KIAA0825: variants seen among roughly 807,000 people sequenced by gnomAD.
The protein encoded by KIAA0825 is KIAA0825.
In KIAA0825, 119 loss-of-function variants were observed where a neutral mutation model predicts 147.6. That is an observed-to-expected ratio of 0.81 (90% CI 0.69 to 0.94). The LOEUF (loss-of-function observed/expected upper bound fraction) is 0.94, where lower values mean the gene tolerates loss of function less well. Ranked by LOEUF, KIAA0825 falls within the 40% of genes least tolerant of loss-of-function variation. KIAA0825 has a pLI of 0.00. For synonymous variants in KIAA0825, 470 were observed against 518.1 expected, an observed-to-expected ratio of 0.91 and a Z score of 1.26; for missense variants, 1,381 against 1,472.7, an observed-to-expected ratio of 0.94 and a Z score of 1.02.
intron 5 of KIAA0825, among the ~76,000 whole-genome samples, chr5:94,516,470 C>T (rs1370378524): frequency 6.6e-5 from 10 of 152,188 alleles, no homozygotes; most frequent in Non-Finnish European, 1.2e-4. Flanking sequence ...AAGCAAAACA[C>T]TGAATCAGTG....
intron 11 of KIAA0825, 98 bp downstream of exon 11, chr5:94,464,771 A>T: frequency 1.1e-6 from 1 of 951,020 alleles, no homozygotes; most frequent in Non-Finnish European, 1.5e-6. Context: ...GAAACATGTT[A>T]AATATATAAG....
At chr5:94,613,912 G>T (rs1300904801) in intron 1 of KIAA0825, among the ~76,000 whole-genome samples, 1 of 152,210 alleles carries the variant, frequency 6.6e-6, no homozygotes, top group East Asian at 1.9e-4. Flanking sequence ...TTAAAAATTT[G>T]ATTAATATGG....
At chr5:94,397,172 C>T (rs1420809954) in intron 16 of KIAA0825, among the ~76,000 whole-genome samples, 3 of 152,142 alleles carry the variant, frequency 2.0e-5, no homozygotes, top group Non-Finnish European at 4.4e-5. Flanking sequence ...AAGGCATTCC[C>T]GTATCCCTAG....
chr5:94,348,018 A>T (rs1783210797), intron 20 of KIAA0825, among the ~76,000 whole-genome samples: 1 of 152,216 alleles, frequency 6.6e-6, no homozygotes. Flanking sequence ...TCTCAGCAAT[A>T]GAATTAAAGA....
chr5:94,329,729 C>G (rs1781071182), intron 20 of KIAA0825, among the ~76,000 whole-genome samples: 1 of 152,046 alleles, frequency 6.6e-6, no homozygotes, highest in Non-Finnish European at 1.5e-5. Context: ...GCAGTGAGTT[C>G]CTTAATTTTT....
chr5:94,342,145 G>A (rs926146664), intron 20 of KIAA0825, among the ~76,000 whole-genome samples: 3 of 151,594 alleles, frequency 2.0e-5, no homozygotes, highest in Admixed American at 6.6e-5. Context: ...GCAGTGTGCC[G>A]AGACCGCACC....
intron 2 of KIAA0825, among the ~76,000 whole-genome samples, chr5:94,548,681 C>T (rs1699232587): frequency 6.6e-6 from 1 of 152,130 alleles, no homozygotes; most frequent in Admixed American, 6.6e-5. Context: ...TACATTTCAT[C>T]TATAAAGATA....
intron 20 of KIAA0825, among the ~76,000 whole-genome samples, chr5:94,297,894 C>T (rs1778208769): frequency 1.3e-5 from 2 of 151,052 alleles, no homozygotes; most frequent in Non-Finnish European, 3.0e-5. Context: ...CCACACCCAG[C>T]GTCATCACTA....
chr5:94,322,655 G>A (rs1780304493), intron 20 of KIAA0825, among the ~76,000 whole-genome samples: 1 of 151,704 alleles, frequency 6.6e-6, no homozygotes, highest in South Asian at 2.1e-4. Flanking sequence ...TGAGGTAGCT[G>A]GGCCTGGAGC....
At chr5:94,413,808 C>T (rs1753075989) in intron 15 of KIAA0825, 1 of 152,152 alleles carries the variant, frequency 6.6e-6, no homozygotes. Flanking sequence ...TATTTTAAAA[C>T]ATTTTTAAGG....
chr5:94,549,730 A>C (rs1341281216), intron 2 of KIAA0825, among the ~76,000 whole-genome samples: 1 of 152,158 alleles, frequency 6.6e-6, no homozygotes. Flanking sequence ...AAACAAAAAC[A>C]AAAACAAAGA....
At chr5:94,580,866 A>G (rs1781997927) in intron 2 of KIAA0825, among the ~76,000 whole-genome samples, 1 of 126,020 alleles carries the variant, frequency 7.9e-6, no homozygotes, top group South Asian at 3.2e-4. Context: ...ACAGAGCGAG[A>G]CTCCGTCTCA....
At chr5:94,266,651 A>G (rs1776749373) in intron 20 of KIAA0825, among the ~76,000 whole-genome samples, 1 of 152,232 alleles carries the variant, frequency 6.6e-6, no homozygotes, top group Non-Finnish European at 1.5e-5. Flanking sequence ...ATGATAATCC[A>G]GCTATGTTAA....
intron 20 of KIAA0825, among the ~76,000 whole-genome samples, chr5:94,209,364 AC>A (rs1421998793): frequency 1.3e-5 from 2 of 152,204 alleles, no homozygotes; most frequent in African/African-American, 4.8e-5. Context: ...CAGAAAATGA[AC>A]CATGCAAGTC....
At chr5:94,601,460 A>G (rs1320347363) in intron 1 of KIAA0825, among the ~76,000 whole-genome samples, 1 of 152,208 alleles carries the variant, frequency 6.6e-6, no homozygotes, top group African/African-American at 2.4e-5. Context: ...CAGTACAAGA[A>G]TGCTGAAAAC....
At chr5:94,292,026 T>C (rs1777921671) in intron 20 of KIAA0825, among the ~76,000 whole-genome samples, 1 of 152,150 alleles carries the variant, frequency 6.6e-6, no homozygotes, top group South Asian at 2.1e-4. Context: ...GACGATGGGG[T>C]GTTCTAAATA....
At chr5:94,435,152 G>T (rs1584483710) in intron 14 of KIAA0825, among the ~76,000 whole-genome samples, 1 of 151,150 alleles carries the variant, frequency 6.6e-6, no homozygotes, top group East Asian at 1.9e-4. Flanking sequence ...CAGTTCAGGG[G>T]TACATGTACA....
intron 2 of KIAA0825, among the ~76,000 whole-genome samples, chr5:94,539,948 A>G (rs1268529450): frequency 6.6e-6 from 1 of 152,162 alleles, no homozygotes; most frequent in African/African-American, 2.4e-5. Flanking sequence ...ACAGGATCAC[A>G]GGACATGGGG....
intron 20 of KIAA0825, among the ~76,000 whole-genome samples, chr5:94,371,353 T>C (rs114771858): frequency 7.2e-5 from 11 of 152,244 alleles, no homozygotes; most frequent in African/African-American, 2.6e-4. Flanking sequence ...ATATTAATAG[T>C]ATTATTTTAT....
Sources: allele counts gnomAD v4.1 joint callset (sites outside exome capture counted in the v4.1 genomes callset), GRCh38; gene constraint gnomAD v4.1.1; transcripts MANE v1.5; gene names NCBI Gene and HGNC (gene_info 2026-07-23, HGNC 2026-07-21).